PDE6A: variants seen among roughly 807,000 people sequenced by gnomAD.
PDE6A encodes the protein rod cGMP-specific 3',5'-cyclic phosphodiesterase subunit alpha.
Under a neutral mutation model 106.3 loss-of-function variants are expected in PDE6A, and 84 were observed. The ratio of observed to expected loss-of-function variants is 0.79; its 90% CI spans 0.66 to 0.95. PDE6A has a LOEUF of 0.95. Among genes scored for constraint, PDE6A ranks in the 40% least tolerant of loss-of-function variants. The probability of loss-of-function intolerance (pLI) is 0.00; values close to 1 mark genes in which losing one functional copy is unlikely to be tolerated. For missense variants in PDE6A, 1,052 were observed against 1,084.9 expected (o/e 0.97, Z 0.43); for synonymous variants, 394 against 386.6 (o/e 1.02, Z -0.23).
At chr5:149,872,046 G>A (rs1760578651) in intron 17 of PDE6A, among the ~76,000 whole-genome samples, 1 of 152,186 alleles carries the variant, frequency 6.6e-6, no homozygotes, top group African/African-American at 2.4e-5. Context: ...TGTATGCTCA[G>A]AAATGTGAAC....
intron 17 of PDE6A, among the ~76,000 whole-genome samples, chr5:149,875,408 T>G (rs1028815823): frequency 3.3e-5 from 5 of 152,194 alleles, no homozygotes; most frequent in Non-Finnish European, 7.3e-5. Context: ...TCTTGCACAT[T>G]TTTAAGTTGA....
chr5:149,884,714 G>T, intron 15 of PDE6A, 66 bp downstream of exon 15: 1 of 1,511,650 alleles, frequency 6.6e-7, no homozygotes, highest in Non-Finnish European at 9.2e-7. Context: ...GCACACTCAG[G>T]CTCCTTGTGA....
intron 8 of PDE6A, 135 bp downstream of exon 8, chr5:149,903,513 G>C: frequency 1.3e-6 from 1 of 743,002 alleles, no homozygotes; most frequent in South Asian, 1.5e-5. Context: ...CATTGGTACA[G>C]GAATTTTATC....
chr5:149,898,427 T>C lies in PDE6A; in HGVS notation c.1343A>G (p.Asp448Gly). ...ATATTTTACTATGTCCTGGAAAATA[T>C]CCTTCCTATTTTCAAGTTTATTCAT... is the stretch of plus-strand genomic sequence containing the variant. Reference protein sequence around the residue: ...ESMNKLENRKDIFQDIVKYHV... With the variant: ...ESMNKLENRKGIFQDIVKYHV... Residue 448 changes from aspartate to glycine, a missense_variant, in exon 10 of 22, where the codon GAT becomes GGT. Asp to Gly is a moderately conservative substitution (Grantham distance 94). Transcript: ENST00000255266. 6.2e-7 allele frequency: 1 copy of C among 1,612,442 alleles called. No individual in the cohort carries two copies. The highest frequency in any genetic ancestry group is 8.5e-7 in the Non-Finnish European group (1 of 1,178,494).
chr5:149,899,473 G>A lies in PDE6A; in HGVS notation c.1165C>T (p.Pro389Ser), dbSNP rs1305050912. 5 of 1,613,812 alleles carry A rather than the reference G, an allele frequency of 3.1e-6. No homozygotes were observed. The highest frequency in any genetic ancestry group is 1.7e-5 in the Admixed American group (1 of 59,996). Residue 389 changes from proline (P) to serine (S), a missense_variant, in exon 9 of 22, where the codon CCG becomes TCG. Around this residue, in one of 3 missense-constraint regions of PDE6A, gnomAD observed 913 missense variants for 915.2 expected, o/e 1.00. Transcript: ENST00000255266. ...GWMIKNVLSM[P>S]IVNKKEEIVG... ...ATTTCTTCCTTCTTGTTCACAATCG[G>A]CATTGAAAGCACATTTTTAATCATC...
In PDE6A at chr5:149,899,356, G is replaced by A; in HGVS notation, c.1263+19C>T. 1.2e-6 allele frequency: 2 copies of A among 1,613,474 alleles called. No individual in the cohort carries two copies. The highest frequency in any genetic ancestry group is 1.7e-6 in the Non-Finnish European group (2 of 1,179,614). On this transcript the variant is annotated intron_variant, in intron 9 of 21. Transcript: ENST00000255266. ...TGACTCTGAATCCCAACAGCAAAAG[G>A]CCTCCTAGCAAGCCATACCTCCATG... is the stretch of plus-strand genomic sequence containing the variant.
At chr5:149,919,851 A>T (rs1357166362) in intron 5 of PDE6A, among the ~76,000 whole-genome samples, 2 of 152,232 alleles carry the variant, frequency 1.3e-5, no homozygotes, top group Non-Finnish European at 2.9e-5. Context: ...TTAAATATTT[A>T]AAACATACAC....
intron 4 of PDE6A, among the ~76,000 whole-genome samples, chr5:149,929,981 C>T (rs906377251): frequency 9.9e-5 from 15 of 152,118 alleles, no homozygotes; most frequent in Admixed American, 9.2e-4. Context: ...AAGCTGGACT[C>T]GAACTCCTGG....
Position 149,895,965 on chromosome 5 carries a change from T to TA in PDE6A, c.1620+390_1620+391insT, listed in dbSNP as rs1175100242. Among the ~76,000 whole-genome samples, 31 of 152,148 alleles carry TA rather than the reference T, an allele frequency of 2.0e-4. 1 individual carries two copies. In the East Asian group the frequency reaches 6.0e-3, roughly 29 times the overall value. ...CCTCCCACACATACCTTCTCTGCCG[T>TA]CCCCCATGACCCTAGACTCACAGCA... is the stretch of plus-strand genomic sequence containing the variant. On this transcript the variant is annotated intron_variant, in intron 12 of 21. Coordinates refer to ENST00000255266, the MANE Select transcript of PDE6A (RefSeq NM_000440.3).
intron 17 of PDE6A, among the ~76,000 whole-genome samples, chr5:149,878,230 T>C (rs555650466): frequency 6.6e-6 from 1 of 152,258 alleles, no homozygotes; most frequent in African/African-American, 2.4e-5. Flanking sequence ...CAGAGGGGTA[T>C]GTGTGCCGTC....
chr5:149,944,704 A>G lies in PDE6A; in HGVS notation c.-31T>C, dbSNP rs1218678621. The G allele has an allele frequency of 6.4e-7, 1 of 1,566,402 alleles. No homozygotes were observed. Among genetic ancestry groups the G allele is most frequent in the African/African-American group, 1.3e-5 (1 of 74,206 alleles). On this transcript the variant is annotated 5_prime_UTR_variant, in exon 1 of 22. Coordinates refer to ENST00000255266, the MANE Select transcript of PDE6A (RefSeq NM_000440.3). ...GGAATCCCACTGGCTACTCTGTAGA[A>G]GGACTGGGACGGAGGCCTTCCAATG...
Position 149,923,825 on chromosome 5 carries a change from T to C in PDE6A, c.859-2116A>G, listed in dbSNP as rs79303893. On this transcript the variant is annotated intron_variant, in intron 4 of 21. Coordinates refer to ENST00000255266, the MANE Select transcript of PDE6A (RefSeq NM_000440.3). ...CTTTCTGTTCATTCATCTGTTACTA[T>C]ACAGGGACAAACCGTGATCTATTAG... Among the ~76,000 whole-genome samples, 1,155 of 152,302 alleles carry C rather than the reference T, an allele frequency of 7.6e-3. 14 individuals carry two copies. Among genetic ancestry groups the C allele is most frequent in the African/African-American group, 0.026 (1,090 of 41,568 alleles).
chr5:149,874,683 G>A (rs929175913), intron 17 of PDE6A, among the ~76,000 whole-genome samples: 1 of 152,136 alleles, frequency 6.6e-6, no homozygotes, highest in Non-Finnish European at 1.5e-5. Flanking sequence ...TTCAAATGAA[G>A]GCTTGGTCTT....
intron 17 of PDE6A, among the ~76,000 whole-genome samples, chr5:149,880,637 C>T (rs983063009): frequency 2.0e-5 from 3 of 151,876 alleles, no homozygotes; most frequent in East Asian, 1.9e-4. Context: ...CCCTTGAACT[C>T]GGGAAGTGGA....
chr5:149,941,533 T>C (rs1754326435), intron 1 of PDE6A, among the ~76,000 whole-genome samples: 1 of 152,184 alleles, frequency 6.6e-6, no homozygotes, highest in Non-Finnish European at 1.5e-5. Flanking sequence ...AACCAAGTGA[T>C]CAGTGTTTAC....
At chr5:149,924,099 C>G (rs1257578155) in intron 4 of PDE6A, among the ~76,000 whole-genome samples, 1 of 152,152 alleles carries the variant, frequency 6.6e-6, no homozygotes, top group African/African-American at 2.4e-5. Context: ...TAACCAGGCC[C>G]TACCTGAGCC....
Position 149,944,185 on chromosome 5 carries a change from T to G in PDE6A, c.474+15A>C. On this transcript the variant is annotated intron_variant, in intron 1 of 21. Transcript: ENST00000255266. Reference sequence around the variant, plus strand: ...ATAATGCCCCATGCCCTCTCTCTCATGGGGAAGAGAGTACCTCCTCTGTGT... The same window carrying G: ...ATAATGCCCCATGCCCTCTCTCTCAGGGGGAAGAGAGTACCTCCTCTGTGT... The G allele has an allele frequency of 6.3e-7, 1 of 1,591,148 alleles. No homozygotes were observed. The highest frequency in any genetic ancestry group is 8.6e-7 in the Non-Finnish European group (1 of 1,159,604).
At chr5:149,932,259 CGAACAGCA>C in intron 3 of PDE6A, 2 of 1,419,460 alleles carry the variant, frequency 1.4e-6, no homozygotes, top group Non-Finnish European at 2.0e-6. Flanking sequence ...TCCATTTTGG[CGAACAGCA>C]GTTTCACTCG....
At chr5:149,875,911 CACTTG>C (rs200612140) in intron 17 of PDE6A, among the ~76,000 whole-genome samples, 1,698 of 152,154 alleles carry the variant, frequency 0.011, 36 homozygotes, top group African/African-American at 0.038. Context: ...CCTCTATTTC[CACTTG>C]ACTTCCCCAC....
Sources: gnomAD v4.1 joint callset for allele counts (sites outside exome capture counted in the v4.1 genomes callset) on GRCh38, gnomAD v4.1.1 for gene constraint, gnomAD v4.1.1 regional missense constraint, MANE v1.5 for transcripts, NCBI Gene and HGNC (gene_info 2026-07-23, HGNC 2026-07-21) for gene names.